The following CFAP20DC variants were observed in gnomAD, a reference collection of about 807,000 sequenced individuals.
The protein encoded by CFAP20DC is CFAP20 domain containing.
In CFAP20DC, 84 loss-of-function variants were observed where a neutral mutation model predicts 101.7. That is an observed-to-expected ratio of 0.83 (90% CI 0.69 to 0.99). The LOEUF is 0.99. Ranked by LOEUF, CFAP20DC falls within the 50% of genes least tolerant of loss-of-function variation. The pLI is 0.00. For synonymous variants in CFAP20DC, 359 were observed against 351.2 expected (o/e 1.02, Z -0.25); for missense variants, 1,007 against 970.3 (o/e 1.04, Z -0.50).
intron 3 of CFAP20DC, among the ~76,000 whole-genome samples, chr3:58,730,448 A>G (rs2067623583): frequency 1.3e-5 from 2 of 152,212 alleles, no homozygotes; most frequent in South Asian, 2.1e-4. Context: ...CAATGAGACA[A>G]TAAGAAATGA....
At chr3:58,997,709 A>C (rs2093178856) in intron 4 of CFAP20DC, among the ~76,000 whole-genome samples, 1 of 152,204 alleles carries the variant, frequency 6.6e-6, no homozygotes, top group Non-Finnish European at 1.5e-5. Flanking sequence ...TCAAAAAATT[A>C]TTTTAAGGAC....
intron 4 of CFAP20DC, among the ~76,000 whole-genome samples, chr3:59,026,676 T>C (rs1329113380): frequency 2.0e-5 from 3 of 152,206 alleles, no homozygotes; most frequent in Non-Finnish European, 2.9e-5. Flanking sequence ...TGAGGCCATA[T>C]TCACTTTACT....
chr3:58,751,126 G>C (rs2068534332), intron 16 of CFAP20DC, among the ~76,000 whole-genome samples: 1 of 152,048 alleles, frequency 6.6e-6, no homozygotes, highest in Non-Finnish European at 1.5e-5. Context: ...TGAGAACATA[G>C]AGAATCTAAT....
At chr3:58,807,182 T>G (rs2074154018) in intron 14 of CFAP20DC, among the ~76,000 whole-genome samples, 1 of 152,206 alleles carries the variant, frequency 6.6e-6, no homozygotes, top group Non-Finnish European at 1.5e-5. Context: ...CAGACGTAAG[T>G]GTCCCTGTCT....
chr3:58,901,855 C>G (rs777653320), intron 6 of CFAP20DC, among the ~76,000 whole-genome samples: 10 of 152,192 alleles, frequency 6.6e-5, no homozygotes, highest in Non-Finnish European at 1.5e-4. Flanking sequence ...CCACCTCTAT[C>G]TACTTTCAGA....
At chr3:58,994,638 A>AT (rs1167972740) in intron 4 of CFAP20DC, among the ~76,000 whole-genome samples, 1 of 152,162 alleles carries the variant, frequency 6.6e-6, no homozygotes, top group Non-Finnish European at 1.5e-5. Flanking sequence ...TCTAAATTGT[A>AT]TTTTATGCAT....
At chr3:58,765,471 C>CAAA (rs1288496269) in intron 15 of CFAP20DC, among the ~76,000 whole-genome samples, 269 of 27,656 alleles carry the variant, frequency 9.7e-3, no homozygotes, top group Non-Finnish European at 0.014. Flanking sequence ...ACATTCTAGC[C>CAAA]AAAAAAAAAA....
At chr3:58,919,031 A>T (rs2085046563) in intron 5 of CFAP20DC, among the ~76,000 whole-genome samples, 1 of 152,176 alleles carries the variant, frequency 6.6e-6, no homozygotes, top group South Asian at 2.1e-4. Context: ...ATACTCCTGC[A>T]TACCACCACC....
rs2082986640 is a variant in CFAP20DC, at chr3:58,899,764, C to T, written c.550+13944G>A. On this transcript the variant is annotated intron_variant, in intron 6 of 16. Transcript: ENST00000482387. This position sits in a 1 kb window ranked among gnomAD's most constrained non-coding sequence, Gnocchi z 5.0. ...CATGCCACTCCCGGATGGGCCATCA[C>T]CCCACCCTGCTTTTTTTCCATTCTC... Among the ~76,000 whole-genome samples, 1 of 152,110 alleles carries T rather than the reference C, an allele frequency of 6.6e-6. No homozygotes were observed. Among genetic ancestry groups the T allele is most frequent in the Non-Finnish European group, 1.5e-5 (1 of 68,018 alleles).
At chr3:58,764,108 G>C (rs1025025049) in intron 15 of CFAP20DC, among the ~76,000 whole-genome samples, 2 of 152,164 alleles carry the variant, frequency 1.3e-5, no homozygotes, top group African/African-American at 4.8e-5. Flanking sequence ...GCTGCCTTTT[G>C]TTTGGCTATG....
intron 15 of CFAP20DC, among the ~76,000 whole-genome samples, chr3:58,781,132 G>A (rs1320832286): frequency 1.3e-5 from 2 of 151,452 alleles, no homozygotes; most frequent in Non-Finnish European, 3.0e-5. Flanking sequence ...AATAACAAGA[G>A]GAACTCTGGA....
At position 58,813,653 on chromosome 3, in the gene CFAP20DC, T is replaced by C. The variant is rs1012749211; in HGVS notation, c.2176-7197A>G. 5.9e-5 allele frequency among the ~76,000 whole-genome samples: 9 copies of C among 151,948 alleles called. 1 individual carries two copies. The highest frequency in any genetic ancestry group is 2.2e-4 in the African/African-American group (9 of 41,226). Reference sequence around the variant, plus strand: ...TAATGATGTAGGTGATGGGAATTCTTCAGAGTAAACTGTCTTCCTCTATAA... The same window carrying C: ...TAATGATGTAGGTGATGGGAATTCTCCAGAGTAAACTGTCTTCCTCTATAA... On this transcript the variant is annotated intron_variant, in intron 14 of 16. Transcript: ENST00000482387.
chr3:58,719,257 G>A (rs1164349809), intron 3 of CFAP20DC, among the ~76,000 whole-genome samples: 1 of 152,040 alleles, frequency 6.6e-6, no homozygotes, highest in Non-Finnish European at 1.5e-5. Flanking sequence ...AAAGAAAAAT[G>A]CTGTTTTGGT....
chr3:58,990,033 C>T (rs2092887229), intron 4 of CFAP20DC, among the ~76,000 whole-genome samples: 1 of 152,000 alleles, frequency 6.6e-6, no homozygotes, highest in Admixed American at 6.6e-5. Context: ...AATTAAATGC[C>T]TAAGAGGTGC....
At chr3:58,856,798 A>G (rs535968832) in intron 12 of CFAP20DC, among the ~76,000 whole-genome samples, 89 of 152,322 alleles carry the variant, frequency 5.8e-4, no homozygotes, top group Non-Finnish European at 9.4e-4. Context: ...TAGAACTAGC[A>G]TAGATGTTTT....
intron 13 of CFAP20DC, among the ~76,000 whole-genome samples, chr3:58,842,047 G>C (rs2077155593): frequency 6.6e-6 from 1 of 152,198 alleles, no homozygotes; most frequent in Non-Finnish European, 1.5e-5. Context: ...TTTGAACGTA[G>C]TAATAGATAA....
At chr3:58,817,555 A>T (rs2075289504) in intron 14 of CFAP20DC, among the ~76,000 whole-genome samples, 1 of 145,324 alleles carries the variant, frequency 6.9e-6, no homozygotes, top group South Asian at 2.4e-4. Flanking sequence ...GGAAGATGAA[A>T]TGAATGAAAT....
chr3:58,927,055 CT>C (rs2086065300), intron 5 of CFAP20DC, among the ~76,000 whole-genome samples: 1 of 152,166 alleles, frequency 6.6e-6, no homozygotes, highest in African/African-American at 2.4e-5. Flanking sequence ...GTGGGTACTT[CT>C]ATTTAATCGG....
intron 3 of CFAP20DC, among the ~76,000 whole-genome samples, chr3:58,723,488 T>C (rs2067501600): frequency 6.6e-6 from 1 of 152,266 alleles, no homozygotes; most frequent in African/African-American, 2.4e-5. Context: ...GAACATTTTC[T>C]TCCTTTCTTG....
Sources: allele counts gnomAD v4.1 joint callset (sites outside exome capture counted in the v4.1 genomes callset), GRCh38; gene constraint gnomAD v4.1.1; non-coding constraint Gnocchi (gnomAD v3.1); transcripts MANE v1.5; gene names NCBI Gene and HGNC (gene_info 2026-07-23, HGNC 2026-07-21).